The following NCKAP5 variants were observed in gnomAD, a reference collection of about 807,000 sequenced individuals.
NCKAP5 encodes nck-associated protein 5.
NCKAP5 carries 92 observed loss-of-function variants against 167.0 expected under a neutral mutation model. The ratio of observed to expected loss-of-function variants is 0.55; its 90% CI spans 0.47 to 0.66. NCKAP5 has a LOEUF of 0.66. Among genes scored for constraint, NCKAP5 ranks in the 30% least tolerant of loss-of-function variants. NCKAP5 has a pLI of 0.00. For synonymous variants in NCKAP5, 891 were observed against 877.4 expected (o/e 1.02, Z -0.27); for missense variants, 2,378 against 2,315.0 (o/e 1.03, Z -0.56).
At chr2:132,727,735 G>A (rs140464846) in intron 18 of NCKAP5, among the ~76,000 whole-genome samples, 13 of 152,228 alleles carry the variant, frequency 8.5e-5, no homozygotes, top group South Asian at 2.1e-4. Flanking sequence ...TTCCAGTCTC[G>A]GCTCTACAGC....
chr2:133,046,857 T>C (rs1559084308), intron 6 of NCKAP5, among the ~76,000 whole-genome samples: 1 of 152,142 alleles, frequency 6.6e-6, no homozygotes, highest in Non-Finnish European at 1.5e-5. Flanking sequence ...GGAAGAAACA[T>C]AAGGGGTCGA....
intron 6 of NCKAP5, among the ~76,000 whole-genome samples, chr2:133,107,142 G>A (rs181003434): frequency 3.6e-4 from 55 of 152,258 alleles, no homozygotes; most frequent in Admixed American, 3.2e-3. Flanking sequence ...GCCTGCAGGT[G>A]AAGCTGGAGC....
intron 6 of NCKAP5, among the ~76,000 whole-genome samples, chr2:133,036,175 C>A (rs1002145140): frequency 3.3e-5 from 5 of 151,722 alleles, no homozygotes; most frequent in Non-Finnish European, 5.9e-5. Context: ...ATCGATGCCA[C>A]AATAAAAATC....
At chr2:132,814,079 A>G (rs1255771101) in intron 11 of NCKAP5, among the ~76,000 whole-genome samples, 1 of 152,236 alleles carries the variant, frequency 6.6e-6, no homozygotes, top group Non-Finnish European at 1.5e-5. Context: ...GTGAAGATGT[A>G]TTACATAAAT....
At chr2:132,983,189 A>T (rs548594567) in intron 7 of NCKAP5, among the ~76,000 whole-genome samples, 2 of 152,330 alleles carry the variant, frequency 1.3e-5, no homozygotes, top group East Asian at 3.9e-4. Flanking sequence ...GTCATTTATG[A>T]GTTCCAGGAG....
intron 3 of NCKAP5, among the ~76,000 whole-genome samples, chr2:133,472,646 G>T (rs1821625): frequency 0.19 from 28,796 of 151,926 alleles, 4,029 homozygotes; most frequent in African/African-American, 0.39. Context: ...AGACCCATAT[G>T]TACTAACCCT....
the NCKAP5 span, among the ~76,000 whole-genome samples, chr2:133,633,896 C>G: frequency 6.6e-6 from 1 of 152,204 alleles, no homozygotes; most frequent in African/African-American, 2.4e-5. Flanking sequence ...CTCTGAACAA[C>G]TACACTGGGT....
chr2:133,406,581 G>A lies in NCKAP5; in HGVS notation c.70-103471C>T, dbSNP rs1427735876. Among the ~76,000 whole-genome samples the A allele has an allele frequency of 5.5e-5, 5 of 91,726 alleles. No individual in the cohort carries two copies. In the East Asian group the frequency reaches 1.4e-3, roughly 26 times the overall value. The allele number at this position is 91,726 out of a possible 152,430, so 60.2% of individuals were successfully genotyped here. On this transcript the variant is annotated intron_variant, in intron 3 of 19. Coordinates refer to ENST00000409261, the MANE Select transcript of NCKAP5 (RefSeq NM_207363.3). ...AAACAAACCAACAAAAAACTTCCAG[G>A]AAGGAAGGAAGGGAGGGAGGGAGGG...
At chr2:132,829,262 T>C (rs1034910215) in intron 11 of NCKAP5, among the ~76,000 whole-genome samples, 14 of 152,216 alleles carry the variant, frequency 9.2e-5, no homozygotes, top group Non-Finnish European at 2.1e-4. Flanking sequence ...GTGTATGCTT[T>C]GTGGAAAGTT....
At chr2:133,452,214 T>C (rs777942001) in intron 3 of NCKAP5, among the ~76,000 whole-genome samples, 5 of 152,178 alleles carry the variant, frequency 3.3e-5, no homozygotes, top group Non-Finnish European at 5.9e-5. Flanking sequence ...TTCCCATGTC[T>C]GCAATTGCAG....
intron 2 of NCKAP5, among the ~76,000 whole-genome samples, chr2:133,547,421 G>T (rs1166494984): frequency 6.6e-6 from 1 of 152,172 alleles, no homozygotes; most frequent in East Asian, 2.0e-4. Flanking sequence ...CACCTCTGGG[G>T]GCAGGGCACA....
intron 6 of NCKAP5, among the ~76,000 whole-genome samples, chr2:133,055,934 C>A (rs1431001378): frequency 6.6e-6 from 1 of 152,090 alleles, no homozygotes; most frequent in Non-Finnish European, 1.5e-5. Context: ...ATTATGGGAA[C>A]AATAAATGCT....
At chr2:133,019,891 C>T (rs917560161) in intron 6 of NCKAP5, among the ~76,000 whole-genome samples, 5 of 152,190 alleles carry the variant, frequency 3.3e-5, no homozygotes, top group African/African-American at 1.2e-4. Context: ...TCTGACAAGG[C>T]CTGTGTGGGT....
intron 3 of NCKAP5, among the ~76,000 whole-genome samples, chr2:133,367,170 G>A (rs997875259): frequency 1.3e-5 from 2 of 152,280 alleles, no homozygotes; most frequent in South Asian, 2.1e-4. Context: ...CTTCCCAGCC[G>A]AGGAGCGGTG....
intron 6 of NCKAP5, among the ~76,000 whole-genome samples, chr2:133,066,092 CTCAT>C (rs2080185638): frequency 6.6e-6 from 1 of 152,026 alleles, no homozygotes; most frequent in African/African-American, 2.4e-5. Flanking sequence ...CCTCATATGC[CTCAT>C]TAAGATAATT....
intron 5 of NCKAP5, among the ~76,000 whole-genome samples, chr2:133,199,967 G>C (rs865858299): frequency 6.7e-6 from 1 of 150,122 alleles, no homozygotes; most frequent in East Asian, 2.0e-4. Flanking sequence ...ATATAGTTCA[G>C]ATTTCATTCA....
chr2:133,010,728 T>G (rs892936414), intron 6 of NCKAP5, among the ~76,000 whole-genome samples: 1 of 152,220 alleles, frequency 6.6e-6, no homozygotes, highest in African/African-American at 2.4e-5. Flanking sequence ...AATAGTCAAG[T>G]GTCTTCAAGT....
intron 16 of NCKAP5, among the ~76,000 whole-genome samples, chr2:132,736,603 A>G (rs1306549767): frequency 6.7e-6 from 1 of 149,264 alleles, no homozygotes; most frequent in Non-Finnish European, 1.5e-5. Context: ...ACATGGTGAA[A>G]CCCCATCTCT....
At chr2:133,302,974 A>T in intron 4 of NCKAP5, 63 bp downstream of exon 4, 1 of 1,116,428 alleles carries the variant, frequency 9.0e-7, no homozygotes, top group Non-Finnish European at 1.3e-6. Context: ...GAAATATTTT[A>T]GATCAGCAAA....
Sources: allele counts gnomAD v4.1 joint callset (sites outside exome capture counted in the v4.1 genomes callset), GRCh38; gene constraint gnomAD v4.1.1; transcripts MANE v1.5; gene names NCBI Gene and HGNC (gene_info 2026-07-23, HGNC 2026-07-21).